Variants in SEL1L3 observed in about 807,000 individuals in gnomAD.
The protein encoded by SEL1L3 is protein sel-1 homolog 3.
Under a neutral mutation model 142.8 loss-of-function variants are expected in SEL1L3, and 76 were observed. The observed-to-expected ratio is 0.53, with a 90% confidence interval of 0.44 to 0.64. SEL1L3 has a LOEUF of 0.64. Ranked by LOEUF, SEL1L3 falls within the 30% of genes least tolerant of loss-of-function variation. The pLI, the probability that SEL1L3 is intolerant of heterozygous loss-of-function variation, is 0.00. For synonymous variants in SEL1L3, 504 were observed against 519.6 expected, an observed-to-expected ratio of 0.97 and a Z score of 0.41; for missense variants, 1,262 against 1,381.7, an observed-to-expected ratio of 0.91 and a Z score of 1.37.
chr4:25,762,797 G>A (rs1456711658), intron 20 of SEL1L3, among the ~76,000 whole-genome samples: 2 of 152,064 alleles, frequency 1.3e-5, no homozygotes, highest in East Asian at 3.9e-4. Flanking sequence ...GCCCAACATG[G>A]TGAAACCCCG....
At chr4:25,741,791 C>T in the SEL1L3 span, among the ~76,000 whole-genome samples, 4 of 151,054 alleles carry the variant, frequency 2.6e-5, no homozygotes, top group African/African-American at 9.7e-5. Flanking sequence ...AATCTTCTTA[C>T]ATTTTCTTTG....
intron 6 of SEL1L3, 64 bp downstream of exon 6, chr4:25,830,034 A>G (rs1395623862): frequency 3.9e-6 from 4 of 1,017,918 alleles, no homozygotes; most frequent in Non-Finnish European, 4.6e-6. Flanking sequence ...CTGAGGGCTA[A>G]AGTATGAAGA....
At chr4:25,728,615 C>A in the SEL1L3 span, among the ~76,000 whole-genome samples, 1 of 152,136 alleles carries the variant, frequency 6.6e-6, no homozygotes, top group Non-Finnish European at 1.5e-5. Context: ...TACTACCAGT[C>A]ATTCCCCTTG....
rs1223555502 is a variant in SEL1L3, at chr4:25,802,260, C to T, written c.1956+23G>A. 5 of 1,599,200 alleles carry T rather than the reference C, an allele frequency of 3.1e-6. No homozygotes were observed. In the Admixed American group the frequency reaches 8.6e-5, roughly 27 times the overall value. ...CAGGTAAACAGGGCCATAACCATTC[C>T]CAACCTTTTTTCTCTCTCATACCTG... On this transcript the variant is annotated intron_variant, in intron 11 of 23. Transcript: ENST00000399878.
chr4:25,756,096 TG>T (rs1717938812), intron 23 of SEL1L3: 1 of 985,334 alleles, frequency 1.0e-6, no homozygotes, highest in African/African-American at 1.7e-5. Context: ...GAAGAGACGC[TG>T]ACGTGCACCC....
At chr4:25,809,608 C>T (rs950694950) in intron 9 of SEL1L3, among the ~76,000 whole-genome samples, 1 of 152,128 alleles carries the variant, frequency 6.6e-6, no homozygotes, top group Non-Finnish European at 1.5e-5. Flanking sequence ...TGATTTTACA[C>T]GTCATTTTTC....
rs62411800 is a variant in SEL1L3 at position 25,792,144 on chromosome 4, G to A, written c.1957-1570C>T. Among the ~76,000 whole-genome samples, 74 of 152,108 alleles carry A rather than the reference G, an allele frequency of 4.9e-4. 1 individual carries two copies. Among genetic ancestry groups the A allele is most frequent in the Non-Finnish European group, 1.0e-3 (69 of 68,010 alleles). The stretch of plus-strand genomic sequence containing the variant: ...AGTTAACAGTAACACTTAGAATAAC[G>A]ACTTTTATTGAAACCAACTATATGC... On this transcript the variant is annotated intron_variant, in intron 11 of 23. Coordinates refer to ENST00000399878, the MANE Select transcript of SEL1L3 (RefSeq NM_015187.5).
intron 23 of SEL1L3, among the ~76,000 whole-genome samples, chr4:25,752,374 GC>G (rs1717659374): frequency 7.0e-6 from 1 of 142,986 alleles, no homozygotes; most frequent in South Asian, 2.2e-4. Context: ...CCGAGATAGC[GC>G]CACTGCACTC....
chr4:25,739,195 C>T, the SEL1L3 span, among the ~76,000 whole-genome samples: 3 of 151,164 alleles, frequency 2.0e-5, no homozygotes, highest in Admixed American at 6.6e-5. Context: ...GGCGACAGAG[C>T]GAGACTCTGT....
downstream of SEL1L3, among the ~76,000 whole-genome samples, chr4:25,743,457 GAC>G (rs1294269295): frequency 6.6e-6 from 1 of 152,134 alleles, no homozygotes; most frequent in African/African-American, 2.4e-5. Flanking sequence ...TGTGCACCAT[GAC>G]ACAGTCCCAG....
At chr4:25,856,313 G>T (rs1210018434) in intron 1 of SEL1L3, among the ~76,000 whole-genome samples, 2 of 152,148 alleles carry the variant, frequency 1.3e-5, no homozygotes, top group Non-Finnish European at 2.9e-5. Context: ...TAAAAGCACA[G>T]TCTAAATGCA....
the SEL1L3 span, chr4:25,720,919 GA>G: frequency 3.9e-5 from 6 of 152,184 alleles, no homozygotes; most frequent in African/African-American, 1.4e-4. Context: ...CTAAGGAGTA[GA>G]GGGGAAAAAT....
rs752898790 is a variant in SEL1L3, at chr4:25,804,683, A to G, written c.1634T>C (p.Leu545Pro). Residue 545 changes from leucine (L) to proline (P), a missense_variant, in exon 10 of 24, where the codon CTC (leucine) becomes CCC (proline). This residue lies in a region of SEL1L3 where 689 missense variants were observed against 692.8 expected (regional missense o/e 0.99). Transcript: ENST00000399878. ...TTGGTGAAGACCATCAATGCTAGAGAGTCTCTTTACAGCCTTCTCAAATAT... is the reference window on the plus strand; with the variant it reads ...TTGGTGAAGACCATCAATGCTAGAGGGTCTCTTTACAGCCTTCTCAAATAT... ...GKIFEKAVKR[L>P]SSIDGLHQIS... The G allele has an allele frequency of 1.2e-6, 2 of 1,613,736 alleles. No individual in the cohort carries two copies. Among genetic ancestry groups the G allele is most frequent in the South Asian group, 1.1e-5 (1 of 91,076 alleles).
intron 20 of SEL1L3, among the ~76,000 whole-genome samples, chr4:25,763,019 C>T (rs1718482806): frequency 6.7e-6 from 1 of 150,070 alleles, no homozygotes; most frequent in Non-Finnish European, 1.5e-5. Flanking sequence ...GATAACATGA[C>T]AGATACATCT....
the SEL1L3 span, among the ~76,000 whole-genome samples, chr4:25,725,461 A>C: frequency 6.6e-6 from 1 of 151,886 alleles, no homozygotes; most frequent in African/African-American, 2.4e-5. Context: ...AATTACAGGT[A>C]CGTGTCACCA....
At chr4:25,790,315 C>T (rs1310822739) in intron 12 of SEL1L3, 140 bp downstream of exon 12, 3 of 802,842 alleles carry the variant, frequency 3.7e-6, no homozygotes, top group Non-Finnish European at 2.1e-6. Context: ...CCCCTGACAA[C>T]CCCTATTGGA....
At chr4:25,730,343 TA>T in the SEL1L3 span, among the ~76,000 whole-genome samples, 2 of 152,112 alleles carry the variant, frequency 1.3e-5, no homozygotes, top group African/African-American at 2.4e-5. Flanking sequence ...AACTAACTTT[TA>T]TTATTTTTTT....
At chr4:25,798,567 C>G (rs1712948013) in intron 11 of SEL1L3, among the ~76,000 whole-genome samples, 1 of 152,184 alleles carries the variant, frequency 6.6e-6, no homozygotes, top group South Asian at 2.1e-4. Context: ...GTGGCTCACA[C>G]CTGTAATCCC....
intron 6 of SEL1L3, among the ~76,000 whole-genome samples, chr4:25,823,529 A>G (rs1461891735): frequency 6.6e-6 from 1 of 152,178 alleles, no homozygotes; most frequent in Admixed American, 6.5e-5. Flanking sequence ...TAATAATAAC[A>G]AAAATAAATA....
Sources: allele counts gnomAD v4.1 joint callset (sites outside exome capture counted in the v4.1 genomes callset), GRCh38; gene constraint gnomAD v4.1.1; regional missense constraint gnomAD v4.1.1; transcripts MANE v1.5; gene names NCBI Gene and HGNC (gene_info 2026-07-23, HGNC 2026-07-21).